The following GABARAPL2 variants were observed in gnomAD, a reference collection of about 807,000 sequenced individuals.
GABARAPL2 encodes the protein gamma-aminobutyric acid receptor-associated protein-like 2.
A neutral mutation model predicts 16.9 loss-of-function variants in GABARAPL2; 11 were observed. The observed-to-expected ratio is 0.65, with a 90% CI of 0.41 to 1.08. The LOEUF (loss-of-function observed/expected upper bound fraction) is 1.08. GABARAPL2 is among the 50% of genes least tolerant of loss of function. The pLI, the probability that GABARAPL2 is intolerant of heterozygous loss-of-function variation, is 0.00. For synonymous variants in GABARAPL2, 57 were observed against 50.7 expected, an observed-to-expected ratio of 1.12 and a Z score of -0.53; for missense variants, 134 against 142.5, an observed-to-expected ratio of 0.94 and a Z score of 0.30.
intron 2 of GABARAPL2, among the ~76,000 whole-genome samples, chr16:75,567,412 AATAAAT>A (rs1166248034): frequency 2.0e-5 from 3 of 152,234 alleles, no homozygotes; most frequent in African/African-American, 7.2e-5. Context: ...CTTAGTCAAT[AATAAAT>A]ATAATGTTAT....
intron 1 of GABARAPL2, 84 bp from the exon 2 acceptor site, chr16:75,566,768 C>T: frequency 7.6e-7 from 1 of 1,308,552 alleles, no homozygotes; most frequent in East Asian, 2.3e-5. Context: ...GGGTTGTACG[C>T]AGGGCGCAGG....
intron 3 of GABARAPL2, among the ~76,000 whole-genome samples, chr16:75,571,599 A>G (rs897161584): frequency 3.3e-5 from 5 of 152,088 alleles, no homozygotes; most frequent in African/African-American, 4.8e-5. Flanking sequence ...CCCACACTTA[A>G]TCATCCTTTA....
At chr16:75,576,700 G>C (rs2080951740) in intron 3 of GABARAPL2, 1 of 152,948 alleles carries the variant, frequency 6.5e-6, no homozygotes, top group South Asian at 2.0e-4. Context: ...GGGAAAGCCA[G>C]CTTTTCTACC....
intron 3 of GABARAPL2, chr16:75,577,078 A>G (rs1157745680): frequency 4.0e-6 from 2 of 498,828 alleles, no homozygotes; most frequent in Non-Finnish European, 7.2e-6. Context: ...ACTTGGGAGG[A>G]TGTCAAATGG....
rs1321524813 is a variant in GABARAPL2, at chr16:75,567,978, A to T, written c.91-59A>T. On this transcript the variant is annotated intron_variant, in intron 2 of 3. Coordinates refer to ENST00000037243, the MANE Select transcript of GABARAPL2 (RefSeq NM_007285.7). ...CACTCTGTTCATCAGCTCCTCAGCCATGTGAGGCCAGAGCCTCGCTTTAGG... is the reference window on the plus strand; with the variant it reads ...CACTCTGTTCATCAGCTCCTCAGCCTTGTGAGGCCAGAGCCTCGCTTTAGG... 2.9e-6 allele frequency: 4 copies of T among 1,370,266 alleles called. No homozygotes were observed. The African/African-American group carries it at 5.7e-5, about 20-fold the overall frequency. The allele number at this position is 1,370,266 out of a possible 1,614,324, so 84.9% of individuals were successfully genotyped here. A position where few individuals can be genotyped will look rare whatever the true frequency, so the allele number is the denominator to read the frequency against.
In GABARAPL2 at chr16:75,577,002, T is replaced by C. The variant is rs552259518; in HGVS notation, c.264-277T>C. ...TTAGTTTCTTCCCTTGTCCTTGGCA[T>C]TTAAGAGGCATCCATGTGTTAGCCA... On this transcript the variant is annotated intron_variant, in intron 3 of 3. Coordinates refer to ENST00000037243, the MANE Select transcript of GABARAPL2 (RefSeq NM_007285.7). The C allele has an allele frequency of 1.6e-4, 50 of 320,654 alleles. No homozygotes were observed. In the South Asian group the frequency reaches 2.1e-3, roughly 13 times the overall value. 19.9% of individuals were successfully genotyped at this position (320,654 alleles called of 1,614,324 possible).
At position 75,566,456 on chromosome 16, in the gene GABARAPL2, G is replaced by C; in HGVS notation, c.-31G>C. The C allele has an allele frequency of 1.9e-6, 3 of 1,568,604 alleles. No homozygotes were observed. Among genetic ancestry groups the C allele is most frequent in the Non-Finnish European group, 2.6e-6 (3 of 1,146,724 alleles). ...GGTGCGCTGAGCTCCGCGGCTCCGC[G>C]AGCCGGTTCCGTCCCCTTCCCGCCG... On this transcript the variant is annotated 5_prime_UTR_variant, in exon 1 of 4. Coordinates refer to ENST00000037243, the MANE Select transcript of GABARAPL2 (RefSeq NM_007285.7).
chr16:75,574,185 C>G (rs890758878), intron 3 of GABARAPL2, among the ~76,000 whole-genome samples: 11 of 152,192 alleles, frequency 7.2e-5, no homozygotes, highest in African/African-American at 2.7e-4. Flanking sequence ...GGTTATTGTT[C>G]ACCCTGGATA....
At chr16:75,568,758 A>T in intron 3 of GABARAPL2, among the ~76,000 whole-genome samples, 1 of 152,198 alleles carries the variant, frequency 6.6e-6, no homozygotes, top group East Asian at 1.9e-4. Flanking sequence ...ACTTGCTTTG[A>T]CTGTCAGACT....
At chr16:75,566,953 C>T (rs1186840678) in intron 2 of GABARAPL2, 46 bp downstream of exon 2, 1 of 1,500,916 alleles carries the variant, frequency 6.7e-7, no homozygotes, top group Non-Finnish European at 9.3e-7. Context: ...CCTCTGTCGT[C>T]TGGGACCCGT....
At chr16:75,575,853 G>T (rs1336380829) in intron 3 of GABARAPL2, 1 of 152,196 alleles carries the variant, frequency 6.6e-6, no homozygotes, top group Admixed American at 6.5e-5. Context: ...ATTTGACCCA[G>T]TATATCCATA....
intron 3 of GABARAPL2, 190 bp from the exon 4 acceptor site, chr16:75,577,089 C>T (rs974117933): frequency 7.7e-6 from 4 of 517,322 alleles, no homozygotes; most frequent in African/African-American, 1.9e-5. Context: ...TGTCAAATGG[C>T]TTTGCCTTCT....
rs201335061 is a variant in GABARAPL2, at chr16:75,566,482, C to T, written c.-5C>T. Reference sequence around the variant, plus strand: ...AGCCGGTTCCGTCCCCTTCCCGCCGCCGCCATGAAGTGGATGTTCAAGGAG... The same window carrying T: ...AGCCGGTTCCGTCCCCTTCCCGCCGTCGCCATGAAGTGGATGTTCAAGGAG... On this transcript the variant is annotated 5_prime_UTR_variant, in exon 1 of 4. Transcript: ENST00000037243. The T allele has an allele frequency of 6.9e-5, 111 of 1,605,612 alleles. No individual in the cohort carries two copies. The East Asian group carries it at 2.4e-3, about 34-fold the overall frequency.
chr16:75,574,519 A>T (rs564061461), intron 3 of GABARAPL2, among the ~76,000 whole-genome samples: 2 of 152,262 alleles, frequency 1.3e-5, no homozygotes, highest in South Asian at 2.1e-4. Flanking sequence ...CATTAGCCTC[A>T]TTCTGAGGAG....
At chr16:75,570,846 C>G (rs2080910174) in intron 3 of GABARAPL2, among the ~76,000 whole-genome samples, 1 of 152,120 alleles carries the variant, frequency 6.6e-6, no homozygotes, top group Non-Finnish European at 1.5e-5. Flanking sequence ...TGCCTAGGTG[C>G]CAGCATCAAG....
rs923250015 is a variant in GABARAPL2, at chr16:75,566,398, G to T, written c.-89G>T. 13 of 1,005,402 alleles carry T rather than the reference G, an allele frequency of 1.3e-5. No homozygotes were observed. The highest frequency in any genetic ancestry group is 1.8e-5 in the Non-Finnish European group (12 of 658,588). 62.3% of individuals were successfully genotyped at this position (1,005,402 alleles called of 1,614,324 possible). On this transcript the variant is annotated 5_prime_UTR_variant, in exon 1 of 4. Transcript: ENST00000037243. ...CCGTGTAGTCGCCGCCGTCGCTGCC[G>T]CTGCCGCTGCCGCCGTCGTTGTTGT...
At chr16:75,576,825 A>T (rs1366274142) in intron 3 of GABARAPL2, 1 of 154,066 alleles carries the variant, frequency 6.5e-6, no homozygotes, top group Admixed American at 6.4e-5. Context: ...TGAGGAAAAT[A>T]ACTTCTCTTT....
At chr16:75,577,063 G>T (rs991034795) in intron 3 of GABARAPL2, 5 of 470,636 alleles carry the variant, frequency 1.1e-5, no homozygotes, top group Non-Finnish European at 1.1e-5. Context: ...TGCTTTAAAG[G>T]ATTTACTTGG....
chr16:75,571,091 T>C (rs985230277), intron 3 of GABARAPL2, among the ~76,000 whole-genome samples: 3 of 152,222 alleles, frequency 2.0e-5, no homozygotes, highest in African/African-American at 7.2e-5. Context: ...TATTTTTTAT[T>C]GTTGTTGAGA....
Sources: allele counts gnomAD v4.1 joint callset (sites outside exome capture counted in the v4.1 genomes callset), GRCh38; gene constraint gnomAD v4.1.1; transcripts MANE v1.5; gene names NCBI Gene and HGNC (gene_info 2026-07-23, HGNC 2026-07-21).